The following LAMA3 variants were observed in gnomAD, a reference collection of about 807,000 sequenced individuals.
LAMA3 encodes laminin subunit alpha 3, also known as laminin subunit alpha-3.
A neutral mutation model predicts 402.0 loss-of-function variants in LAMA3; 281 were observed. The observed-to-expected ratio is 0.70, with a 90% CI of 0.63 to 0.77. The LOEUF (loss-of-function observed/expected upper bound fraction) is 0.77. LAMA3 is among the 30% of genes least tolerant of loss of function. The probability of loss-of-function intolerance (pLI) is 0.00; values close to 1 mark genes in which losing one functional copy is unlikely to be tolerated. For missense variants in LAMA3, 3,840 were observed against 4,215.5 expected (o/e 0.91, Z 2.47); for synonymous variants, 1,431 against 1,558.4 (o/e 0.92, Z 1.93).
chr18:23,697,077 GGT>G (rs796666909), intron 1 of LAMA3, among the ~76,000 whole-genome samples: 15 of 152,296 alleles, frequency 9.8e-5, no homozygotes, highest in African/African-American at 3.6e-4. Flanking sequence ...TGTAAGCAGC[GGT>G]TCTCCATCTT....
intron 34 of LAMA3, 32 bp from the exon 35 acceptor site, chr18:23,861,614 T>C: frequency 6.2e-7 from 1 of 1,613,666 alleles, no homozygotes; most frequent in Non-Finnish European, 8.5e-7. Flanking sequence ...GACCAAGACG[T>C]TTCCATCCCT....
At position 23,890,030 on chromosome 18, in the gene LAMA3, G is replaced by C. The variant is rs781202078; in HGVS notation, c.5323G>C (p.Gly1775Arg). 1 of 1,613,618 alleles carries C rather than the reference G, an allele frequency of 6.2e-7. No individual in the cohort carries two copies. Among genetic ancestry groups the C allele is most frequent in the Non-Finnish European group, 8.5e-7 (1 of 1,179,542 alleles). ...GTGTAGGTGTGCACCGGGATATTTCGGGAATCCCCAGAAATTCGGAGGTAG... is the reference window on the plus strand; with the variant it reads ...GTGTAGGTGTGCACCGGGATATTTCCGGAATCCCCAGAAATTCGGAGGTAG... ...QCERCAPGYF[G>R]NPQKFGGSCQ... Residue 1775 changes from glycine to arginine, a missense_variant, in exon 42 of 75, where the codon GGG (glycine) becomes CGG (arginine). Gly to Arg is a moderately radical substitution (Grantham distance 125, BLOSUM62 -2). This residue lies in a region of LAMA3 where 2,109 missense variants were observed against 2,376.0 expected (regional missense o/e 0.89). Coordinates refer to ENST00000313654, the MANE Select transcript of LAMA3 (RefSeq NM_198129.4).
intron 49 of LAMA3, among the ~76,000 whole-genome samples, 195 bp downstream of exon 49, chr18:23,903,320 T>A (rs1005928095): frequency 1.3e-5 from 2 of 152,236 alleles, no homozygotes; most frequent in Non-Finnish European, 2.9e-5. Context: ...TATGTTCATA[T>A]GTATTACCTA....
chr18:23,945,806 C>T (rs1379808027), intron 69 of LAMA3, among the ~76,000 whole-genome samples: 2 of 152,174 alleles, frequency 1.3e-5, no homozygotes, highest in Non-Finnish European at 2.9e-5. Flanking sequence ...CTGTCCCTGC[C>T]CCTTTGTTAC....
chr18:23,807,194 C>G (rs2062978832), intron 12 of LAMA3, among the ~76,000 whole-genome samples: 1 of 152,122 alleles, frequency 6.6e-6, no homozygotes, highest in Non-Finnish European at 1.5e-5. Context: ...AAATTCTGTT[C>G]CTGGCTGGGC....
chr18:23,713,775 G>C, intron 1 of LAMA3, 145 bp from the exon 2 acceptor site: 1 of 704,574 alleles, frequency 1.4e-6, no homozygotes, highest in Non-Finnish European at 2.4e-6. Flanking sequence ...ATACATTCCA[G>C]TGAATTTTAA....
chr18:23,837,184 T>A, intron 25 of LAMA3, 95 bp downstream of exon 25: 1 of 780,040 alleles, frequency 1.3e-6, no homozygotes, highest in East Asian at 2.7e-5. Context: ...GTTGTATTAC[T>A]CCTATAATCT....
In LAMA3 at chr18:23,951,690, G is replaced by T. The variant is rs141992173; in HGVS notation, c.9649G>T (p.Ala3217Ser). ...AAATGCATGTGTGTTCCAGGTCACG[G>T]CCTCTATGGACAGTGGGGCAGGTGG... Reference protein sequence around the residue: ...CVYLEAGKVTASMDSGAGGTS... With the variant: ...CVYLEAGKVTSSMDSGAGGTS... Residue 3217 changes from alanine to serine, a missense_variant, in exon 73 of 75, where the codon GCC becomes TCC. Ala to Ser is a moderately conservative substitution (Grantham distance 99). This residue lies in a region of LAMA3 where 840 missense variants were observed against 981.9 expected (regional missense o/e 0.86). Coordinates refer to ENST00000313654, the MANE Select transcript of LAMA3 (RefSeq NM_198129.4). 1 of 1,613,742 alleles carries T rather than the reference G, an allele frequency of 6.2e-7. No individual in the cohort carries two copies. Among genetic ancestry groups the T allele is most frequent in the South Asian group, 1.1e-5 (1 of 91,016 alleles).
chr18:23,860,747 G>A (rs1206982000), intron 34 of LAMA3, among the ~76,000 whole-genome samples: 1 of 145,278 alleles, frequency 6.9e-6, no homozygotes, highest in Non-Finnish European at 1.5e-5. Flanking sequence ...AGGCTGGAGT[G>A]CAGTGGCATG....
intron 12 of LAMA3, among the ~76,000 whole-genome samples, chr18:23,804,311 T>C (rs762294290): frequency 2.6e-5 from 4 of 152,224 alleles, no homozygotes. Flanking sequence ...CTCAGTCATA[T>C]GCTTTAAGTG....
intron 2 of LAMA3, among the ~76,000 whole-genome samples, chr18:23,736,986 G>A (rs1320077470): frequency 6.6e-6 from 1 of 152,088 alleles, no homozygotes; most frequent in Non-Finnish European, 1.5e-5. Flanking sequence ...TGTTTTTAGT[G>A]GGATTGTCCT....
chr18:23,917,525 G>A (rs2081675775), intron 60 of LAMA3, among the ~76,000 whole-genome samples: 1 of 152,108 alleles, frequency 6.6e-6, no homozygotes, highest in Admixed American at 6.5e-5. Flanking sequence ...AACCTCACCA[G>A]CATCTATTAT....
At chr18:23,749,865 T>C (rs1440937688) in intron 4 of LAMA3, among the ~76,000 whole-genome samples, 2 of 152,126 alleles carry the variant, frequency 1.3e-5, no homozygotes, top group Non-Finnish European at 2.9e-5. Context: ...CCCTTACCTC[T>C]TCACCTATGA....
rs745326570 is a variant in LAMA3, at chr18:23,914,546, G to A, written c.7466G>A (p.Arg2489Gln). 7.4e-6 allele frequency: 12 copies of A among 1,613,960 alleles called. No individual in the cohort carries two copies. Among genetic ancestry groups the A allele is most frequent in the South Asian group, 1.1e-5 (1 of 91,078 alleles). ...KSETKEAVMD[R>Q]VKFQRIYQFA... is the part of the protein sequence containing the mutation. ...GAGACTAAGGAGGCAGTTATGGATC[G>A]GGTGAAATTTCAGAGGTACAAGTCT... The change falls in exon 57 of 75, where the codon CGG becomes CAG. Residue 2489 changes from arginine to glutamine, a missense_variant. Arg to Gln is a conservative substitution (Grantham distance 43, BLOSUM62 1). Around this residue, in one of 3 missense-constraint regions of LAMA3, gnomAD observed 891 missense variants for 857.5 expected, o/e 1.04. Coordinates refer to ENST00000313654, the MANE Select transcript of LAMA3 (RefSeq NM_198129.4).
chr18:23,747,718 G>T (rs1225376705), intron 2 of LAMA3, among the ~76,000 whole-genome samples: 1 of 152,184 alleles, frequency 6.6e-6, no homozygotes, highest in Admixed American at 6.5e-5. Flanking sequence ...TGATCAATGT[G>T]TATATTTGGT....
chr18:23,695,167 C>T (rs1456022506), intron 1 of LAMA3, among the ~76,000 whole-genome samples: 1 of 152,154 alleles, frequency 6.6e-6, no homozygotes, highest in Non-Finnish European at 1.5e-5. Context: ...CTACATATTT[C>T]AGAGGGAGGG....
At chr18:23,767,322 A>G (rs1568162855) in intron 8 of LAMA3, among the ~76,000 whole-genome samples, 1 of 152,338 alleles carries the variant, frequency 6.6e-6, no homozygotes, top group East Asian at 1.9e-4. Flanking sequence ...ATTCAACGCT[A>G]TTTCTATCTA....
intron 3 of LAMA3, among the ~76,000 whole-genome samples, chr18:23,748,668 A>C (rs1297762039): frequency 4.8e-5 from 7 of 145,454 alleles, no homozygotes; most frequent in Non-Finnish European, 7.6e-5. Context: ...GGTGGTGTGC[A>C]CCTGTGGTCC....
chr18:23,816,542 C>T, intron 18 of LAMA3, 55 bp downstream of exon 18: 2 of 1,399,796 alleles, frequency 1.4e-6, no homozygotes, highest in South Asian at 1.2e-5. Context: ...TGGTCTTAGA[C>T]ATTCCTGCCT....
Sources: gnomAD v4.1 joint callset for allele counts (sites outside exome capture counted in the v4.1 genomes callset) on GRCh38, gnomAD v4.1.1 for gene constraint, gnomAD v4.1.1 regional missense constraint, MANE v1.5 for transcripts, NCBI Gene and HGNC (gene_info 2026-07-23, HGNC 2026-07-21) for gene names.